RUSF1: variants seen among roughly 807,000 people sequenced by gnomAD.
RUSF1 encodes the protein RUS1 family protein C16orf58.
A neutral mutation model predicts 63.0 loss-of-function variants in RUSF1; 58 were observed. The ratio of observed to expected loss-of-function variants is 0.92; its 90% CI spans 0.75 to 1.15. The LOEUF (loss-of-function observed/expected upper bound fraction) is 1.15. RUSF1 is among the 50% of genes most tolerant of loss of function. The probability of loss-of-function intolerance (pLI) is 0.00; values close to 1 mark genes in which losing one functional copy is unlikely to be tolerated. For missense variants in RUSF1, 652 were observed against 611.0 expected, an observed-to-expected ratio of 1.07 and a Z score of -0.71; for synonymous variants, 274 against 255.8, an observed-to-expected ratio of 1.07 and a Z score of -0.68.
At chr16:31,499,182 A>T in intron 5 of RUSF1, 120 bp downstream of exon 5, 1 of 926,766 alleles carries the variant, frequency 1.1e-6, no homozygotes. Context: ...GGGTTCGAGT[A>T]GAAACATCTG....
At position 31,507,821 on chromosome 16, in the gene RUSF1, C is replaced by A; in HGVS notation, c.358G>T (p.Gly120Trp). The A allele has an allele frequency of 1.3e-6, 2 of 1,579,242 alleles. No homozygotes were observed. The highest frequency in any genetic ancestry group is 2.3e-5 in the East Asian group (1 of 43,054). ...ACAGTGGCTTTTGCGTTCCCCACCC[C>A]TATGCCCAGCAAGACTGCCTGGGTG... ...LATQAVLLGI[G>W]VGNAKATVSA... Residue 120 changes from glycine (G) to tryptophan (W), a missense_variant, in exon 2 of 13, where the codon GGG (glycine) becomes TGG (tryptophan). By Grantham distance (184) the Gly-to-Trp change is radical. Coordinates refer to ENST00000327237, the MANE Select transcript of RUSF1 (RefSeq NM_022744.4).
chr16:31,499,651 A>G, intron 3 of RUSF1, 126 bp from the exon 4 acceptor site: 1 of 855,658 alleles, frequency 1.2e-6, no homozygotes, highest in African/African-American at 1.7e-5. Context: ...CCAGACAGAC[A>G]TCTGTCCCCA....
intron 5 of RUSF1, among the ~76,000 whole-genome samples, chr16:31,498,596 T>C (rs1314039488): frequency 1.3e-5 from 2 of 152,176 alleles, no homozygotes; most frequent in Non-Finnish European, 2.9e-5. Flanking sequence ...CAGGCCTCAG[T>C]GTCCTCATTT....
intron 3 of RUSF1, 112 bp downstream of exon 3, chr16:31,500,574 T>C (rs2082627697): frequency 7.3e-7 from 1 of 1,378,002 alleles, no homozygotes; most frequent in Non-Finnish European, 1.0e-6. Flanking sequence ...GCACTTTGCA[T>C]AGATCATCTC....
intron 2 of RUSF1, among the ~76,000 whole-genome samples, 185 bp downstream of exon 2, chr16:31,507,579 G>A (rs1189221431): frequency 1.3e-5 from 2 of 152,206 alleles, no homozygotes; most frequent in African/African-American, 4.8e-5. Flanking sequence ...CTAGGCTGGT[G>A]AGTGGGATGA....
chr16:31,493,036 C>T lies in RUSF1; in HGVS notation c.1029G>A (p.Leu343=). ...LHRLVSSVFE[L]QQLVEGHQES... ...CTTGGTGCCCCTCAACCAGCTGCTG[C>T]AGCTCAAAGACACTGTGGGGGAGAG... The change falls in exon 10 of 13, where the codon CTG becomes CTA. Residue 343 remains leucine, a synonymous_variant. Transcript: ENST00000327237. 1 of 1,613,912 alleles carries T rather than the reference C, an allele frequency of 6.2e-7. No homozygotes were observed. Among genetic ancestry groups the T allele is most frequent in the Non-Finnish European group, 8.5e-7 (1 of 1,179,944 alleles).
At chr16:31,498,311 C>T (rs559448762) in intron 5 of RUSF1, among the ~76,000 whole-genome samples, 1 of 152,296 alleles carries the variant, frequency 6.6e-6, no homozygotes, top group African/African-American at 2.4e-5. Flanking sequence ...CCAGATGGCA[C>T]AACCCTCGGT....
At position 31,499,217 on chromosome 16, in the gene RUSF1, GCAGGTAAACTCACAGAGCC is replaced by G. The variant is rs1365907628; in HGVS notation, c.600+66_600+84del. 9 of 1,178,778 alleles carry G rather than the reference GCAGGTAAACTCACAGAGCC, an allele frequency of 7.6e-6. No individual in the cohort carries two copies. In the East Asian group the frequency reaches 1.2e-4, roughly 15 times the overall value. The allele number at this position is 1,178,778 out of a possible 1,614,324, so 73.0% of individuals were successfully genotyped here. ...GAACTTTCTTATTCTTCTTGAAGTG[GCAGGTAAACTCACAGAGCC>G]CAGGTAAACTCACACACTACCAAGG... On this transcript the variant is annotated intron_variant, in intron 5 of 12. Coordinates refer to ENST00000327237, the MANE Select transcript of RUSF1 (RefSeq NM_022744.4).
chr16:31,489,837 T>C lies in RUSF1; in HGVS notation c.*998A>G. 3 of 493,746 alleles carry C rather than the reference T, an allele frequency of 6.1e-6. No individual in the cohort carries two copies. The highest frequency in any genetic ancestry group is 6.0e-5 in the South Asian group (3 of 50,200). The allele number at this position is 493,746 out of a possible 1,614,324, so 30.6% of individuals were successfully genotyped here. A position where few individuals can be genotyped will look rare whatever the true frequency, so the allele number is the denominator to read the frequency against. ...ACTGCCAGGCCAGTGTCACAAGCGC[T>C]ACCATCTGGGTGTAGACAGACCTGA... On this transcript the variant is annotated 3_prime_UTR_variant, in exon 13 of 13. Transcript: ENST00000327237.
At position 31,508,242 on chromosome 16, in the gene RUSF1, G is replaced by A. The variant is rs924368099; in HGVS notation, c.132C>T (p.Leu44=). Reference sequence around the variant, plus strand: ...CAGGTTTGACCGTGAAGGCCCTGGAGAGCCCCCACCAGCGCCAGCCCCCGA... The same window carrying A: ...CAGGTTTGACCGTGAAGGCCCTGGAAAGCCCCCACCAGCGCCAGCCCCCGA... ...WEVGGWRWWG[L]SRAFTVKPEG... The change falls in exon 1 of 13, where the codon CTC becomes CTT. Residue 44 remains leucine, a synonymous_variant. Transcript: ENST00000327237. The A allele has an allele frequency of 6.4e-7, 1 of 1,564,140 alleles. No homozygotes were observed. Among genetic ancestry groups the A allele is most frequent in the South Asian group, 1.2e-5 (1 of 85,454 alleles).
chr16:31,505,212 G>A (rs1567399787), intron 2 of RUSF1, among the ~76,000 whole-genome samples: 1 of 152,214 alleles, frequency 6.6e-6, no homozygotes, highest in Non-Finnish European at 1.5e-5. Flanking sequence ...AGAAGCATAA[G>A]TCTGGCCTAC....
In RUSF1 at chr16:31,493,475, C is replaced by T. The variant is rs1336949916; in HGVS notation, c.1008G>A (p.Leu336=). ...GACGCTAGGCCACTCACCTGGAGAC[C>T]AAGCGGTGTAAGGGGACCCCCAGGG... The part of the protein sequence containing the change: ...SLSLGVPLHR[L]VSSVFELQQL... The change falls in exon 9 of 13, where the codon TTG becomes TTA. Residue 336 remains leucine, a synonymous_variant. Transcript: ENST00000327237. 1.2e-6 allele frequency: 2 copies of T among 1,606,180 alleles called. No homozygotes were observed. Among genetic ancestry groups the T allele is most frequent in the Admixed American group, 1.7e-5 (1 of 58,798 alleles).
At chr16:31,502,530 T>G (rs1171266866) in intron 2 of RUSF1, among the ~76,000 whole-genome samples, 1 of 152,222 alleles carries the variant, frequency 6.6e-6, no homozygotes, top group Non-Finnish European at 1.5e-5. Context: ...GATTTCCAGC[T>G]TCTCTGGAAG....
intron 5 of RUSF1, among the ~76,000 whole-genome samples, chr16:31,498,137 T>C (rs2082613986): frequency 6.6e-6 from 1 of 152,054 alleles, no homozygotes; most frequent in Non-Finnish European, 1.5e-5. Flanking sequence ...GGCGGCAGCA[T>C]AGATGACAGC....
chr16:31,489,903 C>G lies in RUSF1; in HGVS notation c.*932G>C, dbSNP rs1352239893. On this transcript the variant is annotated 3_prime_UTR_variant, in exon 13 of 13. Transcript: ENST00000327237. The stretch of plus-strand genomic sequence containing the variant: ...GGAGCAAGGCCAACGGCTTTAAACA[C>G]AAGCTCAGGGGCTTGGGGTTTATCC... The G allele has an allele frequency of 1.5e-6, 1 of 668,290 alleles. No homozygotes were observed. 41.4% of individuals were successfully genotyped at this position (668,290 alleles called of 1,614,324 possible). A position where few individuals can be genotyped will look rare whatever the true frequency, so the allele number is the denominator to read the frequency against.
Position 31,508,326 on chromosome 16 carries a change from G to C in RUSF1, c.48C>G (p.Phe16Leu). 6.4e-7 allele frequency: 1 copy of C among 1,573,322 alleles called. No individual in the cohort carries two copies. Among genetic ancestry groups the C allele is most frequent in the East Asian group, 2.3e-5 (1 of 43,560 alleles). The change falls in exon 1 of 13, where the codon TTC becomes TTG. Residue 16 changes from phenylalanine (F) to leucine (L), a missense_variant. Coordinates refer to ENST00000327237, the MANE Select transcript of RUSF1 (RefSeq NM_022744.4). ...GGCAGCCCCGTGCCTCCCCGGAGCCGAACTGCTCGGAACACAGCGGGGTCT... is the reference window on the plus strand; with the variant it reads ...GGCAGCCCCGTGCCTCCCCGGAGCCCAACTGCTCGGAACACAGCGGGGTCT... ...GLETPLCSEQ[F>L]GSGEARGCRA... is the part of the protein sequence containing the mutation.
rs386834265 is a variant in RUSF1, at chr16:31,493,730, G to A, written c.831C>T (p.Arg277=). The A allele has an allele frequency of 3.7e-6, 6 of 1,614,090 alleles. No individual in the cohort carries two copies. The highest frequency in any genetic ancestry group is 4.5e-5 in the East Asian group (2 of 44,892). Residue 277 remains arginine, a synonymous_variant, in exon 8 of 13, where the codon CGC becomes CGT. Transcript: ENST00000327237. ...LTALHIYANY[R]AVRALVMETL... ...TCTCCATGACCAGGGCTCGGACCGC[G>A]CGGTAGTTGGCGTAGATGTGGAGGG...
At position 31,499,512 on chromosome 16, in the gene RUSF1, A is replaced by G. The variant is rs767919660; in HGVS notation, c.475T>C (p.Cys159Arg). 2.5e-6 allele frequency: 4 copies of G among 1,604,352 alleles called. No homozygotes were observed. The highest frequency in any genetic ancestry group is 3.4e-6 in the Non-Finnish European group (4 of 1,175,906). The change falls in exon 4 of 13, where the codon TGC becomes CGC. Residue 159 changes from cysteine (C) to arginine (R), a missense_variant. Cys to Arg is a radical substitution (Grantham distance 180, BLOSUM62 -3). Transcript: ENST00000327237. ...CCTCACCTCCACTGCTTGGCATTGCAGTCCAGTTTGCTCCTGTTGGGGAGG... is the reference window on the plus strand; with the variant it reads ...CCTCACCTCCACTGCTTGGCATTGCGGTCCAGTTTGCTCCTGTTGGGGAGG... Reference protein sequence around the residue: ...FAWWKGSKLDCNAKQWRLFAD... With the variant: ...FAWWKGSKLDRNAKQWRLFAD...
chr16:31,492,850 G>C (rs1199691693), intron 10 of RUSF1, 128 bp downstream of exon 10: 3 of 852,128 alleles, frequency 3.5e-6, no homozygotes, highest in East Asian at 2.7e-5. Flanking sequence ...GCTGTAATTT[G>C]AACGGTCTAG....
Sources: gnomAD v4.1 joint callset for allele counts (sites outside exome capture counted in the v4.1 genomes callset) on GRCh38, gnomAD v4.1.1 for gene constraint, MANE v1.5 for transcripts, NCBI Gene and HGNC (gene_info 2026-07-23, HGNC 2026-07-21) for gene names.